DNAH7: variants seen among roughly 807,000 people sequenced by gnomAD.
The protein encoded by DNAH7 is axonemal beta dynein heavy chain 7.
Under a neutral mutation model 444.6 loss-of-function variants are expected in DNAH7, and 397 were observed. The ratio of observed to expected loss-of-function variants is 0.89; its 90% CI spans 0.82 to 0.97. The LOEUF is 0.97. Among genes scored for constraint, DNAH7 ranks in the 50% least tolerant of loss-of-function variants. DNAH7 has a pLI of 0.00. For missense variants in DNAH7, 4,902 were observed against 4,800.8 expected, an observed-to-expected ratio of 1.02 and a Z score of -0.62; for synonymous variants, 1,636 against 1,624.4, an observed-to-expected ratio of 1.01 and a Z score of -0.17.
intron 14 of DNAH7, among the ~76,000 whole-genome samples, chr2:195,985,083 T>C (rs960360746): frequency 6.6e-6 from 1 of 152,154 alleles, no homozygotes; most frequent in Non-Finnish European, 1.5e-5. Context: ...AGGAAAGGAA[T>C]GATTAACTAT....
At chr2:195,743,381 T>C (rs1693169226) in intron 63 of DNAH7, among the ~76,000 whole-genome samples, 1 of 152,250 alleles carries the variant, frequency 6.6e-6, no homozygotes, top group Admixed American at 6.5e-5. Context: ...CTATTAGTTC[T>C]GTCCCTCTAG....
chr2:195,957,648 T>A (rs146423411), intron 18 of DNAH7, among the ~76,000 whole-genome samples: 107 of 129,828 alleles, frequency 8.2e-4, no homozygotes, highest in African/African-American at 3.4e-3. Context: ...ACAATTGTTA[T>A]ACATTATATA....
At chr2:195,915,063 G>A (rs1227268237) in intron 24 of DNAH7, among the ~76,000 whole-genome samples, 1 of 152,194 alleles carries the variant, frequency 6.6e-6, no homozygotes, top group Non-Finnish European at 1.5e-5. Context: ...CCTGCGTTAT[G>A]CCAGGAAACG....
intron 57 of DNAH7, among the ~76,000 whole-genome samples, chr2:195,790,799 A>C (rs1462126040): frequency 6.6e-6 from 1 of 152,214 alleles, no homozygotes; most frequent in Non-Finnish European, 1.5e-5. Context: ...TTTTTGGCTA[A>C]GTCCTCAAAA....
Position 195,900,378 on chromosome 2 carries a change from C to G in DNAH7, c.4452G>C (p.Thr1484=). The change falls in exon 28 of 65, where the codon ACG becomes ACC. Residue 1484 remains threonine, a synonymous_variant. Coordinates refer to ENST00000312428, the MANE Select transcript of DNAH7 (RefSeq NM_018897.3). Reference sequence around the variant, plus strand: ...ACAGCTGCTCTGAACACAAGCGATACGTAGCCACAATTTTTACAGACAGTG... The same window carrying G: ...ACAGCTGCTCTGAACACAAGCGATAGGTAGCCACAATTTTTACAGACAGTG... The part of the protein sequence containing the change: ...ARPLSVKIVA[T]YRLCSEQLSS... 1 of 1,613,980 alleles carries G rather than the reference C, an allele frequency of 6.2e-7. No homozygotes were observed. The highest frequency in any genetic ancestry group is 8.5e-7 in the Non-Finnish European group (1 of 1,179,936).
chr2:195,996,500 A>G (rs1693706489), intron 12 of DNAH7, among the ~76,000 whole-genome samples: 1 of 150,408 alleles, frequency 6.6e-6, no homozygotes, highest in African/African-American at 2.5e-5. Flanking sequence ...ATCTCAGCTC[A>G]CTGCAACCTC....
intron 12 of DNAH7, chr2:195,994,581 A>G: frequency 2.0e-6 from 1 of 488,192 alleles, no homozygotes; most frequent in South Asian, 1.7e-5. Context: ...GTGTGTTTCC[A>G]TCTCTTCCGG....
rs1248805070 is a variant in DNAH7, at chr2:195,960,692, G to A, written c.2459C>T (p.Ala820Val). Reference sequence around the variant, plus strand: ...TCTTACTTTTTTTGTCATTGCCAATGCATATGGAGAATCATGAAAGGTTTT... The same window carrying A: ...TCTTACTTTTTTTGTCATTGCCAATACATATGGAGAATCATGAAAGGTTTT... ...LEKTFHDSPYALAMTKKVRSK... is the reference protein window; with the variant it reads ...LEKTFHDSPYVLAMTKKVRSK... The change falls in exon 18 of 65, where the codon GCA becomes GTA. Residue 820 changes from alanine (A) to valine (V), a missense_variant. Ala to Val is a moderately conservative substitution (Grantham distance 64). Transcript: ENST00000312428. 1.2e-6 allele frequency: 2 copies of A among 1,614,104 alleles called. No homozygotes were observed. Among genetic ancestry groups the A allele is most frequent in the East Asian group, 4.5e-5 (2 of 44,900 alleles).
Position 195,900,394 on chromosome 2 carries a change from A to C in DNAH7, c.4436T>G (p.Val1479Gly). Residue 1479 changes from valine to glycine, a missense_variant, in exon 28 of 65, where the codon GTA (valine) becomes GGA (glycine). Transcript: ENST00000312428. ...CAAGCGATACGTAGCCACAATTTTTACAGACAGTGGTCGAGCAGTGACAAA... is the reference window on the plus strand; with the variant it reads ...CAAGCGATACGTAGCCACAATTTTTCCAGACAGTGGTCGAGCAGTGACAAA... ...CGFVTARPLS[V>G]KIVATYRLCS... The C allele has an allele frequency of 6.2e-7, 1 of 1,614,080 alleles. No individual in the cohort carries two copies. The highest frequency in any genetic ancestry group is 8.5e-7 in the Non-Finnish European group (1 of 1,179,936).
At chr2:195,924,518 T>G (rs185066692) in intron 22 of DNAH7, among the ~76,000 whole-genome samples, 3 of 150,432 alleles carry the variant, frequency 2.0e-5, no homozygotes, top group Non-Finnish European at 4.4e-5. Flanking sequence ...AGCTTGAAAC[T>G]GGGAGGTGGA....
At chr2:195,974,646 T>A (rs1415685839) in intron 15 of DNAH7, among the ~76,000 whole-genome samples, 2 of 152,060 alleles carry the variant, frequency 1.3e-5, no homozygotes, top group African/African-American at 4.8e-5. Flanking sequence ...ACAGTTTAAC[T>A]CTCCAACTAC....
intron 49 of DNAH7, 107 bp downstream of exon 49, chr2:195,824,148 G>A: frequency 9.4e-7 from 1 of 1,068,674 alleles, no homozygotes; most frequent in Non-Finnish European, 1.3e-6. Flanking sequence ...CCAAAATAAG[G>A]CAAAATCCGT....
chr2:196,044,031 C>G (rs546220192), intron 5 of DNAH7, among the ~76,000 whole-genome samples: 1 of 151,896 alleles, frequency 6.6e-6, no homozygotes, highest in Non-Finnish European at 1.5e-5. Context: ...AACTATCATT[C>G]GATGAAGCAA....
intron 15 of DNAH7, among the ~76,000 whole-genome samples, chr2:195,975,750 G>C (rs1692147465): frequency 1.3e-5 from 2 of 152,190 alleles, no homozygotes; most frequent in African/African-American, 4.8e-5. Context: ...GCAATGGGTA[G>C]AGTAGTGAGG....
At chr2:195,964,441 T>C (rs1376974610) in intron 17 of DNAH7, among the ~76,000 whole-genome samples, 2 of 152,058 alleles carry the variant, frequency 1.3e-5, no homozygotes, top group African/African-American at 2.4e-5. Context: ...TTTCAGATTG[T>C]CCACCTTTGG....
rs529877152 is a variant in DNAH7 at position 195,906,788 on chromosome 2, T to C, written c.4208-2A>G. The C allele has an allele frequency of 2.5e-6, 4 of 1,613,188 alleles. No homozygotes were observed. The African/African-American group carries it at 5.3e-5, about 22-fold the overall frequency. On this transcript the variant is annotated splice_acceptor_variant, in intron 26 of 64. Coordinates refer to ENST00000312428, the MANE Select transcript of DNAH7 (RefSeq NM_018897.3). LOFTEE classifies it high-confidence loss of function. ...GTATATCAGCACCTGCATTAATACC[T>C]GTAGGTAATCAGGAATGAAATGACT...
intron 18 of DNAH7, among the ~76,000 whole-genome samples, chr2:195,958,262 C>T (rs145503538): frequency 1.4e-4 from 21 of 152,098 alleles, no homozygotes; most frequent in African/African-American, 4.8e-4. Flanking sequence ...ATGAAGATGA[C>T]GAGGATGAAG....
chr2:195,979,942 G>A (rs1914962), intron 15 of DNAH7, among the ~76,000 whole-genome samples: 44,716 of 150,886 alleles, frequency 0.3, 8,927 homozygotes, highest in African/African-American at 0.57. Context: ...ACAGACCAAC[G>A]GGTAACAAGA....
intron 49 of DNAH7, among the ~76,000 whole-genome samples, chr2:195,818,678 A>G (rs1412424484): frequency 6.6e-6 from 1 of 152,066 alleles, no homozygotes; most frequent in African/African-American, 2.4e-5. Context: ...GCCCTTTACA[A>G]TCTGCTCCCT....
Sources: allele counts gnomAD v4.1 joint callset (sites outside exome capture counted in the v4.1 genomes callset), GRCh38; gene constraint gnomAD v4.1.1; transcripts MANE v1.5; gene names NCBI Gene and HGNC (gene_info 2026-07-23, HGNC 2026-07-21).